The following NALF1 variants were observed in gnomAD, a reference collection of about 807,000 sequenced individuals.
NALF1 encodes the protein NALCN channel auxiliary factor 1.
Under a neutral mutation model 48.4 loss-of-function variants are expected in NALF1, and 3 were observed. The observed-to-expected ratio is 0.06, with a 90% CI of 0.03 to 0.16. The LOEUF (loss-of-function observed/expected upper bound fraction) is 0.16, where lower values mean the gene tolerates loss of function less well. Among genes scored for constraint, NALF1 ranks in the 10% least tolerant of loss-of-function variants. The pLI is 1.00. For missense variants in NALF1, 526 were observed against 571.5 expected (o/e 0.92, Z 0.81); for synonymous variants, 262 against 245.7 (o/e 1.07, Z -0.62).
At chr13:107,424,708 C>T (rs1304178086) in intron 1 of NALF1, among the ~76,000 whole-genome samples, 2 of 152,090 alleles carry the variant, frequency 1.3e-5, no homozygotes, top group Non-Finnish European at 1.5e-5. Context: ...AACTTCAAAC[C>T]AAAAGCATGG....
chr13:107,680,480 G>A (rs1881262618), intron 1 of NALF1, among the ~76,000 whole-genome samples: 2 of 152,086 alleles, frequency 1.3e-5, no homozygotes, highest in South Asian at 4.1e-4. Flanking sequence ...GAATGAGAGT[G>A]TGTGTATGAG....
At chr13:107,258,424 G>A (rs956050159) in intron 1 of NALF1, among the ~76,000 whole-genome samples, 7 of 152,062 alleles carry the variant, frequency 4.6e-5, no homozygotes, top group South Asian at 2.1e-4. Flanking sequence ...GCCATATCCC[G>A]TTCCTGCAGC....
intron 1 of NALF1, among the ~76,000 whole-genome samples, chr13:107,591,260 C>A (rs1430128580): frequency 6.6e-6 from 1 of 151,942 alleles, no homozygotes; most frequent in Non-Finnish European, 1.5e-5. Context: ...CTCTTCCCTC[C>A]CGCAGCTTTA....
At chr13:107,177,640 G>A (rs547348751) in intron 2 of NALF1, among the ~76,000 whole-genome samples, 21 of 152,264 alleles carry the variant, frequency 1.4e-4, no homozygotes, top group South Asian at 6.2e-4. Context: ...ACATATGTTG[G>A]GGGAAAGGAC....
At chr13:107,622,451 C>A (rs1375273358) in intron 1 of NALF1, among the ~76,000 whole-genome samples, 1 of 106,742 alleles carries the variant, frequency 9.4e-6, no homozygotes. Context: ...AAAAAACAAA[C>A]AAACAAACAA....
intron 1 of NALF1, among the ~76,000 whole-genome samples, chr13:107,765,923 C>A (rs575694647): frequency 1.6e-4 from 24 of 152,248 alleles, no homozygotes; most frequent in African/African-American, 5.8e-4. Context: ...AGGGTGTAAT[C>A]AACTAGCTGT....
intron 1 of NALF1, among the ~76,000 whole-genome samples, chr13:107,629,608 T>C (rs1417091534): frequency 6.6e-6 from 1 of 152,158 alleles, no homozygotes; most frequent in African/African-American, 2.4e-5. Flanking sequence ...CCCTTCCAGT[T>C]GCTCTCTCTT....
At chr13:107,468,002 C>T (rs139963964) in intron 1 of NALF1, among the ~76,000 whole-genome samples, 78 of 150,108 alleles carry the variant, frequency 5.2e-4, no homozygotes, top group African/African-American at 1.8e-3. Context: ...GAACTGAGAT[C>T]GCGCCACTGC....
At chr13:107,445,730 T>C (rs1230261201) in intron 1 of NALF1, among the ~76,000 whole-genome samples, 2 of 152,174 alleles carry the variant, frequency 1.3e-5, no homozygotes, top group African/African-American at 4.8e-5. Context: ...TTAGTGTTAT[T>C]TTTTCATTGT....
chr13:107,802,594 A>C (rs1878652909), intron 1 of NALF1, among the ~76,000 whole-genome samples: 1 of 151,090 alleles, frequency 6.6e-6, no homozygotes, highest in African/African-American at 2.5e-5. Context: ...GAAGCCCAAA[A>C]CTGCTAGAGA....
At chr13:107,589,472 G>C (rs1878546310) in intron 1 of NALF1, among the ~76,000 whole-genome samples, 1 of 151,964 alleles carries the variant, frequency 6.6e-6, no homozygotes, top group African/African-American at 2.4e-5. Flanking sequence ...TAAGTTTTGG[G>C]AAGGTTTAAA....
chr13:107,367,805 A>G (rs1371385620), intron 1 of NALF1, among the ~76,000 whole-genome samples: 2 of 152,194 alleles, frequency 1.3e-5, no homozygotes, highest in African/African-American at 4.8e-5. Flanking sequence ...GACAGACTAA[A>G]AATTGCTCAA....
intron 1 of NALF1, among the ~76,000 whole-genome samples, chr13:107,678,029 G>A (rs910152944): frequency 6.6e-6 from 1 of 152,126 alleles, no homozygotes; most frequent in African/African-American, 2.4e-5. Context: ...AATCTTTTCA[G>A]TTAATTTATT....
intron 1 of NALF1, among the ~76,000 whole-genome samples, chr13:107,416,592 C>T (rs1594051622): frequency 6.6e-6 from 1 of 152,128 alleles, no homozygotes; most frequent in East Asian, 1.9e-4. Context: ...TTGCAAGATA[C>T]TGCATATAAT....
At chr13:107,531,824 A>G (rs1876649568) in intron 1 of NALF1, among the ~76,000 whole-genome samples, 1 of 152,064 alleles carries the variant, frequency 6.6e-6, no homozygotes, top group Non-Finnish European at 1.5e-5. Context: ...AGATATGCCA[A>G]AGTTTTGTGT....
At chr13:107,720,867 A>C (rs1875962933) in intron 1 of NALF1, among the ~76,000 whole-genome samples, 1 of 152,194 alleles carries the variant, frequency 6.6e-6, no homozygotes, top group Non-Finnish European at 1.5e-5. Context: ...CAAAGGTTGC[A>C]TATATGCATT....
At chr13:107,728,663 A>G (rs1876226311) in intron 1 of NALF1, among the ~76,000 whole-genome samples, 1 of 151,882 alleles carries the variant, frequency 6.6e-6, no homozygotes, top group Non-Finnish European at 1.5e-5. Flanking sequence ...ACAAACCTGC[A>G]CGTTCTGCGC....
At chr13:107,366,022 A>C (rs1468749591) in intron 1 of NALF1, among the ~76,000 whole-genome samples, 1 of 152,200 alleles carries the variant, frequency 6.6e-6, no homozygotes, top group Admixed American at 6.5e-5. Context: ...GCAACACAAT[A>C]AGTTACGCCA....
intron 1 of NALF1, among the ~76,000 whole-genome samples, chr13:107,685,903 T>C (rs1009113452): frequency 2.6e-5 from 4 of 152,220 alleles, no homozygotes; most frequent in Non-Finnish European, 4.4e-5. Context: ...GGTGTGTATG[T>C]TGATAGGTTC....
Sources: gnomAD v4.1 joint callset for allele counts (sites outside exome capture counted in the v4.1 genomes callset) on GRCh38, gnomAD v4.1.1 for gene constraint, MANE v1.5 for transcripts, NCBI Gene and HGNC (gene_info 2026-07-23, HGNC 2026-07-21) for gene names.